Variants in LPXN observed in about 807,000 individuals in gnomAD.
LPXN encodes the protein leupaxin.
LPXN carries 28 observed loss-of-function variants against 45.6 expected under a neutral mutation model. The observed-to-expected ratio is 0.61, with a 90% CI of 0.45 to 0.84. The LOEUF (loss-of-function observed/expected upper bound fraction) is 0.84, where lower values mean the gene tolerates loss of function less well. Ranked by LOEUF, LPXN falls within the 40% of genes least tolerant of loss-of-function variation. The pLI, the probability that LPXN is intolerant of heterozygous loss-of-function variation, is 0.00. For missense variants in LPXN, 459 were observed against 475.0 expected, an observed-to-expected ratio of 0.97 and a Z score of 0.31; for synonymous variants, 166 against 169.9, an observed-to-expected ratio of 0.98 and a Z score of 0.18.
At chr11:58,559,747 A>T (rs561390268) in intron 3 of LPXN, among the ~76,000 whole-genome samples, 1 of 152,204 alleles carries the variant, frequency 6.6e-6, no homozygotes, top group South Asian at 2.1e-4. Context: ...GTGGTGGCAC[A>T]TGCCTGTGGT....
At chr11:58,564,640 A>G (rs1854475659) in intron 2 of LPXN, among the ~76,000 whole-genome samples, 1 of 152,210 alleles carries the variant, frequency 6.6e-6, no homozygotes, top group African/African-American at 2.4e-5. Flanking sequence ...TAATTGAACA[A>G]ATATGTATTG....
intron 3 of LPXN, among the ~76,000 whole-genome samples, chr11:58,563,181 G>A (rs1168163466): frequency 6.6e-6 from 1 of 152,144 alleles, no homozygotes; most frequent in African/African-American, 2.4e-5. Flanking sequence ...GACCTATTGT[G>A]TGCCAGCCAC....
At chr11:58,562,544 C>T (rs1048376691) in intron 3 of LPXN, among the ~76,000 whole-genome samples, 4 of 152,132 alleles carry the variant, frequency 2.6e-5, no homozygotes, top group African/African-American at 7.2e-5. Flanking sequence ...CAGGAAAACA[C>T]AAACCACATG....
Position 58,527,551 on chromosome 11 carries a change from C to T in LPXN, c.1064G>A (p.Cys355Tyr), listed in dbSNP as rs762826144. The T allele has an allele frequency of 6.2e-7, 1 of 1,614,166 alleles. No individual in the cohort carries two copies. Among genetic ancestry groups the T allele is most frequent in the East Asian group, 2.2e-5 (1 of 44,878 alleles). The change falls in exon 9 of 9, where the codon TGT becomes TAT. Residue 355 changes from cysteine (C) to tyrosine (Y), a missense_variant. By Grantham distance (194) the Cys-to-Tyr change is radical. Coordinates refer to ENST00000395074, the MANE Select transcript of LPXN (RefSeq NM_004811.3). ...CGACAACTGTGTCAGGCAGAAAGCA[C>T]ACACAAAGTGCTCAGGATGGAACTT... ...GYKFHPEHFV[C>Y]AFCLTQLSKG... is the part of the protein sequence containing the mutation.
chr11:58,541,813 G>A (rs1347245897), intron 7 of LPXN, among the ~76,000 whole-genome samples: 6 of 151,844 alleles, frequency 4.0e-5, no homozygotes, highest in African/African-American at 1.5e-4. Flanking sequence ...ATGATAGACT[G>A]GATTAAGAAA....
chr11:58,542,564 A>C, intron 7 of LPXN, among the ~76,000 whole-genome samples: 1 of 152,082 alleles, frequency 6.6e-6, no homozygotes, highest in East Asian at 1.9e-4. Context: ...AAACACCAGA[A>C]GTAATCTAAA....
At chr11:58,528,413 G>A (rs1853292729) in intron 7 of LPXN, among the ~76,000 whole-genome samples, 1 of 152,198 alleles carries the variant, frequency 6.6e-6, no homozygotes, top group South Asian at 2.1e-4. Flanking sequence ...AGTGTTAGGG[G>A]CTATTGCTCC....
intron 2 of LPXN, among the ~76,000 whole-genome samples, chr11:58,567,313 T>G (rs899053417): frequency 6.6e-6 from 1 of 152,222 alleles, no homozygotes; most frequent in Non-Finnish European, 1.5e-5. Flanking sequence ...TTTCACTTTT[T>G]GACTAGGAAA....
chr11:58,531,082 C>T lies in LPXN; in HGVS notation c.743-2891G>A, dbSNP rs536090774. Among the ~76,000 whole-genome samples the T allele has an allele frequency of 5.1e-4, 77 of 152,274 alleles. No individual in the cohort carries two copies. In the South Asian group the frequency reaches 5.6e-3, roughly 11 times the overall value. ...ACTTCAAAGACCAAACGTAGAAACACTCAAGAAGATGGGGAGAAACCAATG... is the reference window on the plus strand; with the variant it reads ...ACTTCAAAGACCAAACGTAGAAACATTCAAGAAGATGGGGAGAAACCAATG... On this transcript the variant is annotated intron_variant, in intron 7 of 8. Coordinates refer to ENST00000395074, the MANE Select transcript of LPXN (RefSeq NM_004811.3).
Position 58,528,155 on chromosome 11 carries a change from T to G in LPXN, c.779A>C (p.Lys260Thr). 6.2e-7 allele frequency: 1 copy of G among 1,614,242 alleles called. No individual in the cohort carries two copies. The highest frequency in any genetic ancestry group is 8.5e-7 in the Non-Finnish European group (1 of 1,180,040). The change falls in exon 8 of 9, where the codon AAG (lysine) becomes ACG (threonine). Residue 260 changes from lysine to threonine, a missense_variant. By Grantham distance (78) the Lys-to-Thr change is moderately conservative (BLOSUM62 -1). Coordinates refer to ENST00000395074, the MANE Select transcript of LPXN (RefSeq NM_004811.3). ...HEKDKKPYCR[K>T]DFLAMFSPKC... The stretch of plus-strand genomic sequence containing the variant: ...GGGTGAGAACATGGCTAAGAAATCC[T>G]TTCGGCAATATGGCTTCTTGTCCTT...
chr11:58,543,542 T>C (rs987926234), intron 7 of LPXN, among the ~76,000 whole-genome samples: 1 of 152,122 alleles, frequency 6.6e-6, no homozygotes, highest in South Asian at 2.1e-4. Flanking sequence ...TAAAATGAGA[T>C]TTTTTCAGAG....
intron 8 of LPXN, 38 bp downstream of exon 8, chr11:58,528,005 A>G (rs1332968207): frequency 1.3e-6 from 2 of 1,595,596 alleles, no homozygotes; most frequent in Non-Finnish European, 1.7e-6. Flanking sequence ...AGAACCCTTG[A>G]CTTTCCCTAA....
At chr11:58,528,312 A>T in intron 7 of LPXN, 121 bp from the exon 8 acceptor site, 6 of 906,968 alleles carry the variant, frequency 6.6e-6, no homozygotes, top group Non-Finnish European at 1.0e-5. Context: ...GATTACTGTT[A>T]CCTAATTCAA....
intron 2 of LPXN, among the ~76,000 whole-genome samples, chr11:58,570,335 A>T (rs1454148654): frequency 2.0e-5 from 3 of 151,582 alleles, no homozygotes; most frequent in Non-Finnish European, 4.4e-5. Context: ...AAAATAAAAA[A>T]AATAAAAAAA....
intron 7 of LPXN, among the ~76,000 whole-genome samples, chr11:58,532,810 T>C (rs1421730063): frequency 6.6e-6 from 1 of 152,242 alleles, no homozygotes; most frequent in East Asian, 1.9e-4. Context: ...GGCAACCCAC[T>C]TGGGTCCCCT....
In LPXN at chr11:58,527,633, G is replaced by C. The variant is rs768890402; in HGVS notation, c.982C>G (p.Leu328Val). 8.7e-6 allele frequency: 14 copies of C among 1,614,104 alleles called. No individual in the cohort carries two copies. Among genetic ancestry groups the C allele is most frequent in the Admixed American group, 3.3e-5 (2 of 60,010 alleles). ...ATGGGCTGCCCACACCCATGGCAGAGCGTTCCCCGGCGGTGATGGTAATGG... is the reference window on the plus strand; with the variant it reads ...ATGGGCTGCCCACACCCATGGCAGACCGTTCCCCGGCGGTGATGGTAATGG... ...ELHYHHRRGT[L>V]CHGCGQPITG... The change falls in exon 9 of 9, where the codon CTC (leucine) becomes GTC (valine). Residue 328 changes from leucine to valine, a missense_variant. Physicochemically the swap from Leu to Val is conservative, Grantham distance 32. Transcript: ENST00000395074.
At position 58,549,795 on chromosome 11, in the gene LPXN, C is replaced by G; in HGVS notation, c.733G>C (p.Gly245Arg). Residue 245 changes from glycine to arginine, a missense_variant, in exon 7 of 9, where the codon GGT (glycine) becomes CGT (arginine). By Grantham distance (125) the Gly-to-Arg change is moderately radical. Transcript: ENST00000395074. ...TCAAGTCGGGTCATACCTTCTGCAC[C>G]AAACACCTCTCCGCAGTGAGAGCAG... ...FFCSHCGEVF[G>R]AEGFHEKDKK... 16 of 1,614,108 alleles carry G rather than the reference C, an allele frequency of 9.9e-6. No homozygotes were observed. The highest frequency in any genetic ancestry group is 1.4e-5 in the Non-Finnish European group (16 of 1,180,002).
chr11:58,572,922 A>G (rs1854752181), intron 1 of LPXN, among the ~76,000 whole-genome samples: 1 of 152,192 alleles, frequency 6.6e-6, no homozygotes, highest in Admixed American at 6.5e-5. Flanking sequence ...GCATACTTAA[A>G]TTTCTTTATA....
intron 1 of LPXN, among the ~76,000 whole-genome samples, chr11:58,571,773 ACATTT>A (rs1341980806): frequency 6.6e-6 from 1 of 152,152 alleles, no homozygotes; most frequent in Non-Finnish European, 1.5e-5. Flanking sequence ...AGGAGTTTAC[ACATTT>A]CATTTAATCA....
Sources: allele counts gnomAD v4.1 joint callset (sites outside exome capture counted in the v4.1 genomes callset), GRCh38; gene constraint gnomAD v4.1.1; transcripts MANE v1.5; gene names NCBI Gene and HGNC (gene_info 2026-07-23, HGNC 2026-07-21).